ADCY8: variants seen among roughly 807,000 people sequenced by gnomAD.
ADCY8 encodes adenylate cyclase 8, also known as adenylate cyclase type 8.
Under a neutral mutation model 119.7 loss-of-function variants are expected in ADCY8, and 51 were observed. That is an observed-to-expected ratio of 0.43 (90% CI 0.34 to 0.54). The LOEUF is 0.54. Ranked by LOEUF, ADCY8 falls within the 20% of genes least tolerant of loss-of-function variation. The pLI is 0.03. For missense variants in ADCY8, 1,383 were observed against 1,598.8 expected (o/e 0.87, Z 2.30); for synonymous variants, 665 against 651.0 (o/e 1.02, Z -0.33).
chr8:130,879,305 G>A (rs948502275), intron 8 of ADCY8, among the ~76,000 whole-genome samples: 1 of 152,250 alleles, frequency 6.6e-6, no homozygotes, highest in African/African-American at 2.4e-5. Flanking sequence ...ACAAAGGTGA[G>A]CACTGCGATA....
chr8:130,805,784 G>A (rs1815929738), intron 14 of ADCY8, among the ~76,000 whole-genome samples: 1 of 152,220 alleles, frequency 6.6e-6, no homozygotes, highest in African/African-American at 2.4e-5. Flanking sequence ...CAGGGAGCCT[G>A]GAGAATGGTG....
chr8:130,830,992 A>G (rs10108431), intron 12 of ADCY8, among the ~76,000 whole-genome samples: 34,337 of 152,224 alleles, frequency 0.23, 3,951 homozygotes, highest in Admixed American at 0.26. Context: ...ATAAGTAATA[A>G]AGACTATGAG....
At chr8:130,809,539 G>C (rs990865194) in intron 14 of ADCY8, among the ~76,000 whole-genome samples, 13 of 151,900 alleles carry the variant, frequency 8.6e-5, no homozygotes, top group Admixed American at 3.9e-4. Flanking sequence ...GGCCATTTGG[G>C]CCTGTCTGTC....
At chr8:130,957,448 A>G (rs138677944) in intron 2 of ADCY8, among the ~76,000 whole-genome samples, 2 of 152,228 alleles carry the variant, frequency 1.3e-5, no homozygotes, top group African/African-American at 4.8e-5. Context: ...GCAGAGCATA[A>G]AAGTTTGGAA....
intron 14 of ADCY8, among the ~76,000 whole-genome samples, chr8:130,806,108 C>T (rs1237080446): frequency 2.0e-5 from 3 of 152,122 alleles, no homozygotes; most frequent in South Asian, 2.1e-4. Context: ...AAGAGAGGAG[C>T]GCTCGACCCC....
intron 9 of ADCY8, among the ~76,000 whole-genome samples, chr8:130,864,931 G>A (rs951931571): frequency 6.6e-6 from 1 of 151,930 alleles, no homozygotes; most frequent in Admixed American, 6.6e-5. Flanking sequence ...TGTTCATATT[G>A]TATCAGGTAA....
chr8:130,919,910 T>A (rs1244350353), intron 5 of ADCY8, among the ~76,000 whole-genome samples: 1 of 152,114 alleles, frequency 6.6e-6, no homozygotes, highest in Non-Finnish European at 1.5e-5. Flanking sequence ...CCTGGATTAG[T>A]CCTTATGGTG....
rs1008784443 is a variant in ADCY8, at chr8:130,852,114, T to G, written c.2211-2311A>C. Reference sequence around the variant, plus strand: ...GGTTAGATAAGCAGGAGAGCAGGAGTGCATGGCATCATGGCAGCAGGGGGG... The same window carrying G: ...GGTTAGATAAGCAGGAGAGCAGGAGGGCATGGCATCATGGCAGCAGGGGGG... On this transcript the variant is annotated intron_variant, in intron 9 of 17. Transcript: ENST00000286355. 4.6e-5 allele frequency among the ~76,000 whole-genome samples: 7 copies of G among 152,008 alleles called. No individual in the cohort carries two copies. The Middle Eastern group carries it at 0.014, about 295-fold the overall frequency.
intron 1 of ADCY8, among the ~76,000 whole-genome samples, chr8:131,032,328 A>G (rs187366993): frequency 7.2e-5 from 11 of 152,236 alleles, no homozygotes; most frequent in African/African-American, 2.7e-4. Context: ...AGCAGGAAAC[A>G]GAGTGAAAGG....
intron 2 of ADCY8, among the ~76,000 whole-genome samples, chr8:130,987,522 T>C (rs1215002794): frequency 3.3e-5 from 5 of 152,178 alleles, no homozygotes; most frequent in South Asian, 4.1e-4. Flanking sequence ...TCATGAGTGC[T>C]TGAAAAATCC....
intron 1 of ADCY8, among the ~76,000 whole-genome samples, chr8:131,026,233 C>T (rs1294214768): frequency 6.6e-6 from 1 of 152,120 alleles, no homozygotes; most frequent in East Asian, 1.9e-4. Flanking sequence ...GAAAAAAGGC[C>T]TCAGAGAGCT....
intron 2 of ADCY8, among the ~76,000 whole-genome samples, chr8:130,959,336 T>G (rs1340107330): frequency 1.3e-5 from 2 of 152,142 alleles, no homozygotes; most frequent in East Asian, 3.9e-4. Context: ...ACAGGAAAAA[T>G]GGGTGAGTAT....
chr8:130,878,934 C>T (rs1017709553), intron 8 of ADCY8, among the ~76,000 whole-genome samples: 4 of 152,140 alleles, frequency 2.6e-5, no homozygotes, highest in African/African-American at 9.7e-5. Context: ...ATATATTAAA[C>T]ATGTCTTAAT....
intron 2 of ADCY8, among the ~76,000 whole-genome samples, chr8:130,973,827 C>T (rs1465499724): frequency 6.6e-6 from 1 of 152,130 alleles, no homozygotes; most frequent in Non-Finnish European, 1.5e-5. Flanking sequence ...AGCAAAAAAG[C>T]ATATTTTATA....
chr8:130,903,464 G>GTT (rs35382013), intron 7 of ADCY8, among the ~76,000 whole-genome samples: 1 of 124,716 alleles, frequency 8.0e-6, no homozygotes, highest in East Asian at 2.3e-4. Flanking sequence ...AACATGAGTG[G>GTT]TTTTTTTTTT....
At position 130,824,997 on chromosome 8, in the gene ADCY8, T is replaced by A. The variant is rs1816630338; in HGVS notation, c.2676-3577A>T. 2.6e-5 allele frequency among the ~76,000 whole-genome samples: 4 copies of A among 152,332 alleles called. No homozygotes were observed. The South Asian group carries it at 8.3e-4, about 32-fold the overall frequency. ...CAGTGTTCTTTTGAATTACCCCAAC[T>A]TCTCATTGGTTAAAATCCTTTTGTG... On this transcript the variant is annotated intron_variant, in intron 12 of 17. Transcript: ENST00000286355.
At chr8:130,785,231 A>C (rs1357693297) in intron 16 of ADCY8, 152 bp downstream of exon 16, 1 of 470,396 alleles carries the variant, frequency 2.1e-6, no homozygotes, top group East Asian at 3.5e-5. Flanking sequence ...TTGGGGGCAA[A>C]TCCACATCAC....
intron 1 of ADCY8, among the ~76,000 whole-genome samples, chr8:131,024,420 T>A (rs1823764309): frequency 6.6e-6 from 1 of 152,170 alleles, no homozygotes; most frequent in Admixed American, 6.5e-5. Flanking sequence ...TATAGCAGGA[T>A]TAAGTGAGTT....
intron 5 of ADCY8, among the ~76,000 whole-genome samples, chr8:130,927,517 C>T (rs900533952): frequency 3.3e-5 from 5 of 152,162 alleles, no homozygotes; most frequent in African/African-American, 1.2e-4. Flanking sequence ...GTATAGTTTA[C>T]AAGTATTTTC....
Sources: allele counts gnomAD v4.1 joint callset (sites outside exome capture counted in the v4.1 genomes callset), GRCh38; gene constraint gnomAD v4.1.1; transcripts MANE v1.5; gene names NCBI Gene and HGNC (gene_info 2026-07-23, HGNC 2026-07-21).